The following SFSWAP variants were observed in gnomAD, a reference collection of about 807,000 sequenced individuals.
SFSWAP encodes the protein splicing factor, suppressor of white-apricot homolog.
In SFSWAP, 17 loss-of-function variants were observed where a neutral mutation model predicts 100.7. The ratio of observed to expected loss-of-function variants is 0.17; its 90% CI spans 0.12 to 0.25. The LOEUF is 0.25. Among genes scored for constraint, SFSWAP ranks in the 10% least tolerant of loss-of-function variants. The probability of loss-of-function intolerance (pLI) is 1.00; values close to 1 mark genes in which losing one functional copy is unlikely to be tolerated. For synonymous variants in SFSWAP, 504 were observed against 510.1 expected (o/e 0.99, Z 0.16); for missense variants, 1,005 against 1,262.6 (o/e 0.80, Z 3.09).
chr12:131,722,396 T>C (rs1048324186), intron 4 of SFSWAP, among the ~76,000 whole-genome samples: 12 of 152,028 alleles, frequency 7.9e-5, no homozygotes, highest in African/African-American at 2.9e-4. Context: ...ATCCTGTCTC[T>C]ACAAACAAGT....
At chr12:131,749,054 T>C (rs1189200598) in intron 7 of SFSWAP, among the ~76,000 whole-genome samples, 1 of 152,224 alleles carries the variant, frequency 6.6e-6, no homozygotes, top group Non-Finnish European at 1.5e-5. Flanking sequence ...CAGTAGAACA[T>C]CAGTAAAATG....
intron 7 of SFSWAP, among the ~76,000 whole-genome samples, chr12:131,746,639 G>A (rs557150243): frequency 6.6e-6 from 1 of 152,274 alleles, no homozygotes; most frequent in South Asian, 2.1e-4. Flanking sequence ...CCAAGAAAGG[G>A]TACATAGGAA....
chr12:131,764,329 A>T, intron 11 of SFSWAP, 127 bp from the exon 12 acceptor site: 1 of 715,622 alleles, frequency 1.4e-6, no homozygotes, highest in Non-Finnish European at 2.4e-6. Context: ...CCCACCGTAG[A>T]CCCTGCATAT....
At chr12:131,724,175 T>A (rs1404593587) in intron 4 of SFSWAP, among the ~76,000 whole-genome samples, 1 of 152,226 alleles carries the variant, frequency 6.6e-6, no homozygotes, top group African/African-American at 2.4e-5. Context: ...AAGTAGTATA[T>A]AACAAATAGG....
intron 6 of SFSWAP, 83 bp from the exon 7 acceptor site, chr12:131,728,210 C>G (rs1879169779): frequency 6.6e-7 from 1 of 1,513,850 alleles, no homozygotes; most frequent in African/African-American, 1.4e-5. Context: ...TACACTGAGT[C>G]CTAAAGGTGA....
chr12:131,778,908 A>C lies in SFSWAP; in HGVS notation c.2408+578A>C, dbSNP rs1884240162. On this transcript the variant is annotated intron_variant, in intron 14 of 17. Transcript: ENST00000261674. The surrounding 1 kb of genome is among the most constrained non-coding windows in gnomAD (Gnocchi z 4.2). Reference sequence around the variant, plus strand: ...AATGGTTCCTGGAAGCAAGCCTACCACATTTGCCGATTGTGTGAAAGATTC... The same window carrying C: ...AATGGTTCCTGGAAGCAAGCCTACCCCATTTGCCGATTGTGTGAAAGATTC... 6.6e-6 allele frequency among the ~76,000 whole-genome samples: 1 copy of C among 151,926 alleles called. No homozygotes were observed. The highest frequency in any genetic ancestry group is 2.1e-4 in the South Asian group (1 of 4,806).
intron 7 of SFSWAP, among the ~76,000 whole-genome samples, chr12:131,743,590 C>T (rs1316584294): frequency 6.6e-6 from 1 of 152,234 alleles, no homozygotes; most frequent in Non-Finnish European, 1.5e-5. Flanking sequence ...CAACCTCCCT[C>T]CCGGCTGCTT....
At chr12:131,796,825 T>G (rs1340409129) in intron 15 of SFSWAP, 1 of 200,608 alleles carries the variant, frequency 5.0e-6, no homozygotes, top group Non-Finnish European at 1.0e-5. Flanking sequence ...TATTGATACT[T>G]TAATAAATTT....
intron 7 of SFSWAP, among the ~76,000 whole-genome samples, chr12:131,740,966 C>CTTTTTTTTCT (rs1880557203): frequency 4.3e-5 from 3 of 70,136 alleles, no homozygotes; most frequent in African/African-American, 1.8e-4. Flanking sequence ...TCTTTTTTTT[C>CTTTTTTTTCT]TTTTTTTTTT....
Position 131,711,268 on chromosome 12 carries a change from G to A in SFSWAP, c.39G>A (p.Arg13=), listed in dbSNP as rs1182971796. The A allele has an allele frequency of 3.1e-6, 5 of 1,611,318 alleles. No homozygotes were observed. In the African/African-American group the frequency reaches 5.3e-5, roughly 17 times the overall value. ...GASGGRAKPE[R]KSGAKEEAGP... is the part of the protein sequence containing the mutation. ...GCGGGGGCCGCGCCAAACCCGAGAG[G>A]AAAAGCGGCGCGAAGGAGGAGGCCG... Residue 13 remains arginine (R), a synonymous_variant, in exon 1 of 18, where the codon AGG becomes AGA. Coordinates refer to ENST00000261674, the MANE Select transcript of SFSWAP (RefSeq NM_004592.4). The surrounding 1 kb of genome is among the most constrained non-coding windows in gnomAD (Gnocchi z 4.9).
At chr12:131,769,621 T>G (rs1301446117) in intron 13 of SFSWAP, among the ~76,000 whole-genome samples, 1 of 152,092 alleles carries the variant, frequency 6.6e-6, no homozygotes, top group Non-Finnish European at 1.5e-5. Context: ...TTATTTTATT[T>G]ATTTATTTAT....
At position 131,799,542 on chromosome 12, in the gene SFSWAP, C is replaced by T. The variant is rs1885924064; in HGVS notation, c.*54C>T. 6.6e-7 allele frequency: 1 copy of T among 1,507,390 alleles called. No homozygotes were observed. The highest frequency in any genetic ancestry group is 9.1e-7 in the Non-Finnish European group (1 of 1,092,990). 93.4% of individuals were successfully genotyped at this position (1,507,390 alleles called of 1,614,324 possible). The stretch of plus-strand genomic sequence containing the variant: ...GGCTGCGTGGGCTTCTGGGCAGGCT[C>T]ACGCAGACGCCGGCCACACCATCCA... On this transcript the variant is annotated 3_prime_UTR_variant, in exon 18 of 18. Coordinates refer to ENST00000261674, the MANE Select transcript of SFSWAP (RefSeq NM_004592.4).
At chr12:131,719,093 T>C (rs1031497422) in intron 3 of SFSWAP, among the ~76,000 whole-genome samples, 2 of 152,130 alleles carry the variant, frequency 1.3e-5, no homozygotes, top group Non-Finnish European at 2.9e-5. Flanking sequence ...TCAGCTTCTT[T>C]ATATATGTGG....
At chr12:131,786,228 G>T (rs560628979) in intron 14 of SFSWAP, among the ~76,000 whole-genome samples, 2 of 152,336 alleles carry the variant, frequency 1.3e-5, no homozygotes, top group South Asian at 4.1e-4. Context: ...TGCGATAAGT[G>T]TGTGGAACGG....
At chr12:131,793,632 C>T (rs1885431020) in intron 15 of SFSWAP, among the ~76,000 whole-genome samples, 1 of 152,104 alleles carries the variant, frequency 6.6e-6, no homozygotes, top group Admixed American at 6.6e-5. Context: ...AGTTTAAAAA[C>T]TTCTCTCAAA....
Position 131,714,764 on chromosome 12 carries a change from TAAA to T in SFSWAP, c.389-57_389-55del. 6.6e-7 allele frequency: 1 copy of T among 1,504,940 alleles called. No individual in the cohort carries two copies. The highest frequency in any genetic ancestry group is 9.2e-7 in the Non-Finnish European group (1 of 1,088,812). 93.2% of individuals were successfully genotyped at this position (1,504,940 alleles called of 1,614,324 possible). On this transcript the variant is annotated intron_variant, in intron 2 of 17. Transcript: ENST00000261674. The surrounding 1 kb of genome is among the most constrained non-coding windows in gnomAD (Gnocchi z 6.0). ...TGATAGCTACAACTTTAGAAATATATAAAGTTTTTCTCAGTAATTTTCTATTTT... is the reference window on the plus strand; with the variant it reads ...TGATAGCTACAACTTTAGAAATATATGTTTTTCTCAGTAATTTTCTATTTT...
In SFSWAP at chr12:131,753,473, C is replaced by T. The variant is rs1399614482; in HGVS notation, c.1322+110C>T. The stretch of plus-strand genomic sequence containing the variant: ...TGTAATCTAGATCATATACAGGGGT[C>T]CCCATTGTCTGAGTAGTTATTATTC... On this transcript the variant is annotated intron_variant, in intron 8 of 17. Coordinates refer to ENST00000261674, the MANE Select transcript of SFSWAP (RefSeq NM_004592.4). 10 of 1,367,752 alleles carry T rather than the reference C, an allele frequency of 7.3e-6. No homozygotes were observed. In the East Asian group the frequency reaches 2.5e-4, roughly 35 times the overall value. The allele number at this position is 1,367,752 out of a possible 1,614,324, so 84.7% of individuals were successfully genotyped here.
intron 7 of SFSWAP, among the ~76,000 whole-genome samples, chr12:131,750,382 T>C (rs1265697750): frequency 2.6e-5 from 4 of 152,198 alleles, no homozygotes; most frequent in African/African-American, 9.7e-5. Context: ...TGGAGTCCTT[T>C]TGAGAGACAG....
chr12:131,739,756 G>T (rs1309517320), intron 7 of SFSWAP, among the ~76,000 whole-genome samples: 1 of 151,602 alleles, frequency 6.6e-6, no homozygotes, highest in Non-Finnish European at 1.5e-5. Flanking sequence ...TACTAGCCAG[G>T]ATGGTCTCAA....
Sources: allele counts gnomAD v4.1 joint callset (sites outside exome capture counted in the v4.1 genomes callset), GRCh38; gene constraint gnomAD v4.1.1; non-coding constraint Gnocchi (gnomAD v3.1); transcripts MANE v1.5; gene names NCBI Gene and HGNC (gene_info 2026-07-23, HGNC 2026-07-21).